CEP63: variants seen among roughly 807,000 people sequenced by gnomAD.
CEP63 encodes the protein centrosomal protein 63.
In CEP63, 84 loss-of-function variants were observed where a neutral mutation model predicts 89.1. The ratio of observed to expected loss-of-function variants is 0.94; its 90% CI spans 0.79 to 1.13. CEP63 has a LOEUF of 1.13. Among genes scored for constraint, CEP63 ranks in the 50% most tolerant of loss-of-function variants. CEP63 has a pLI of 0.00. For synonymous variants in CEP63, 267 were observed against 272.5 expected (o/e 0.98, Z 0.20); for missense variants, 838 against 813.3 (o/e 1.03, Z -0.37).
the CEP63 span, among the ~76,000 whole-genome samples, chr3:134,743,457 A>G: frequency 1.3e-5 from 2 of 152,184 alleles, no homozygotes; most frequent in African/African-American, 2.4e-5. Context: ...AATCTAGGTC[A>G]GAGGTAGAGA....
chr3:134,627,621 T>G, the CEP63 span: 4 of 714,622 alleles, frequency 5.6e-6, no homozygotes, highest in Non-Finnish European at 9.9e-6. Context: ...ATGACACTCT[T>G]CCCCTCCTGA....
chr3:134,610,135 C>A, the CEP63 span: 4 of 1,541,068 alleles, frequency 2.6e-6, no homozygotes, highest in Middle Eastern at 1.7e-4. Flanking sequence ...CTTCATGCTG[C>A]CTGGCACATC....
the CEP63 span, among the ~76,000 whole-genome samples, chr3:134,751,264 C>T: frequency 4.6e-5 from 7 of 152,142 alleles, no homozygotes; most frequent in Non-Finnish European, 1.0e-4. Flanking sequence ...TAAGTACATA[C>T]CACTTTTCAT....
At chr3:134,624,673 CG>C in the CEP63 span, among the ~76,000 whole-genome samples, 142 of 152,312 alleles carry the variant, frequency 9.3e-4, no homozygotes, top group Admixed American at 1.9e-3. Context: ...TCTGCATCCA[CG>C]GTCCTCCCAT....
chr3:134,771,290 G>A, the CEP63 span, among the ~76,000 whole-genome samples: 6 of 152,182 alleles, frequency 3.9e-5, no homozygotes, highest in African/African-American at 4.8e-5. Context: ...AAAAAAGGAT[G>A]AGTTCATATT....
the CEP63 span, among the ~76,000 whole-genome samples, chr3:134,618,155 G>A: frequency 2.6e-5 from 4 of 152,150 alleles, no homozygotes; most frequent in Non-Finnish European, 5.9e-5. Context: ...CTCAGCAGCC[G>A]GGTAGGTGCC....
At chr3:134,587,145 G>A (rs577894959) in intron 10 of CEP63, among the ~76,000 whole-genome samples, 1 of 152,188 alleles carries the variant, frequency 6.6e-6, no homozygotes, top group African/African-American at 2.4e-5. Flanking sequence ...AACATGCTTC[G>A]TTCGCTCAGA....
At chr3:134,602,082 C>T in the CEP63 span, among the ~76,000 whole-genome samples, 1 of 152,214 alleles carries the variant, frequency 6.6e-6, no homozygotes, top group East Asian at 1.9e-4. Context: ...GCCTGGAGGC[C>T]TGTGGAGGGG....
chr3:134,485,935 G>A (rs918838983), upstream of CEP63: 42 of 970,422 alleles, frequency 4.3e-5, no homozygotes, highest in African/African-American at 1.2e-4. Context: ...TAGGCCGGGG[G>A]CGCTGGAAAC....
chr3:134,641,011 C>T, the CEP63 span: 1 of 152,850 alleles, frequency 6.5e-6, no homozygotes, highest in Non-Finnish European at 1.5e-5. Context: ...GCTACCCCCA[C>T]CTTGCCCATG....
At position 134,585,073 on chromosome 3, in the gene CEP63, C is replaced by T. The variant is rs1471131573; in HGVS notation, c.1207-2385C>T. 1.6e-4 allele frequency among the ~76,000 whole-genome samples: 24 copies of T among 149,126 alleles called. 1 individual carries two copies. Among genetic ancestry groups the T allele is most frequent in the African/African-American group, 5.2e-4 (21 of 40,100 alleles). On this transcript the variant is annotated intron_variant, in intron 10 of 10. Coordinates refer to the CEP63 transcript ENST00000683931. ...CATTTTTAATTGCGTCTATTTGATT[C>T]CTCTCTTCTTCTTTATTAGTCTTGC...
At chr3:134,580,277 A>T (rs1383615482) in intron 10 of CEP63, among the ~76,000 whole-genome samples, 1 of 152,172 alleles carries the variant, frequency 6.6e-6, no homozygotes, top group African/African-American at 2.4e-5. Context: ...CAGGAAGGCA[A>T]ATCTATAAAG....
At chr3:134,714,281 G>A in the CEP63 span, among the ~76,000 whole-genome samples, 2 of 152,310 alleles carry the variant, frequency 1.3e-5, no homozygotes, top group East Asian at 1.9e-4. Context: ...AAAATCATTT[G>A]AGGTTGGTGT....
chr3:134,489,624 A>T (rs1434548080), intron 1 of CEP63, among the ~76,000 whole-genome samples: 2 of 152,084 alleles, frequency 1.3e-5, no homozygotes, highest in African/African-American at 4.8e-5. Flanking sequence ...CAACGTGGTG[A>T]TTATCTAATT....
the CEP63 span, among the ~76,000 whole-genome samples, chr3:134,683,788 C>A: frequency 6.6e-6 from 1 of 152,034 alleles, no homozygotes; most frequent in Non-Finnish European, 1.5e-5. Context: ...TGGTTCCCAT[C>A]TTTATAGGTT....
chr3:134,667,554 G>A, the CEP63 span, among the ~76,000 whole-genome samples: 17 of 152,358 alleles, frequency 1.1e-4, no homozygotes, highest in Admixed American at 7.8e-4. Context: ...TCTCTTAACT[G>A]GCACTGGTGA....
At chr3:134,680,410 A>C in the CEP63 span, among the ~76,000 whole-genome samples, 28 of 152,324 alleles carry the variant, frequency 1.8e-4, no homozygotes, top group Admixed American at 1.4e-3. Context: ...TGAAACAGCC[A>C]TTGAGGAGAC....
chr3:134,682,169 T>G, the CEP63 span, among the ~76,000 whole-genome samples: 1 of 152,192 alleles, frequency 6.6e-6, no homozygotes, highest in African/African-American at 2.4e-5. Context: ...ACCTGATAAA[T>G]GGTCTTTCTG....
chr3:134,643,047 G>A, the CEP63 span, among the ~76,000 whole-genome samples: 1 of 152,210 alleles, frequency 6.6e-6, no homozygotes, highest in Non-Finnish European at 1.5e-5. Context: ...AGTGATGACA[G>A]TAATAGTGAT....
Sources: gnomAD v4.1 joint callset for allele counts (sites outside exome capture counted in the v4.1 genomes callset) on GRCh38, gnomAD v4.1.1 for gene constraint, MANE v1.5 for transcripts, NCBI Gene and HGNC (gene_info 2026-07-23, HGNC 2026-07-21) for gene names.